NCOA4: variants seen among roughly 807,000 people sequenced by gnomAD.
NCOA4 encodes the protein nuclear receptor coactivator 4.
A neutral mutation model predicts 69.5 loss-of-function variants in NCOA4; 31 were observed. That is an observed-to-expected ratio of 0.45 (90% CI 0.34 to 0.60). The LOEUF is 0.60. Among genes scored for constraint, NCOA4 ranks in the 20% least tolerant of loss-of-function variants. NCOA4 has a pLI of 0.02. For missense variants in NCOA4, 600 were observed against 719.2 expected, an observed-to-expected ratio of 0.83 and a Z score of 1.90; for synonymous variants, 228 against 252.4, an observed-to-expected ratio of 0.90 and a Z score of 0.92.
At chr10:46,025,645 C>T (rs1840118529) in intron 1 of NCOA4, among the ~76,000 whole-genome samples, 1 of 152,218 alleles carries the variant, frequency 6.6e-6, no homozygotes, top group African/African-American at 2.4e-5. Flanking sequence ...CTCCTCTTCT[C>T]CCTACCTATC....
chr10:46,023,456 T>C (rs1225788155), intron 1 of NCOA4: 2 of 985,646 alleles, frequency 2.0e-6, no homozygotes, highest in African/African-American at 3.5e-5. Context: ...GCAACTCCAG[T>C]TCGCCCGGGC....
At chr10:46,012,291 G>T (rs1488275892) in intron 7 of NCOA4, among the ~76,000 whole-genome samples, 1 of 152,010 alleles carries the variant, frequency 6.6e-6, no homozygotes, top group African/African-American at 2.4e-5. Flanking sequence ...AGCCAAATTG[G>T]CAATATGTAT....
At chr10:46,012,120 T>A (rs1554921837) in intron 7 of NCOA4, among the ~76,000 whole-genome samples, 9 of 77,360 alleles carry the variant, frequency 1.2e-4, no homozygotes, top group South Asian at 4.2e-4. Flanking sequence ...AAGAAAATAC[T>A]CAACCTCCTT....
intron 1 of NCOA4, among the ~76,000 whole-genome samples, chr10:46,028,132 G>A (rs553565628): frequency 1.3e-5 from 2 of 152,214 alleles, no homozygotes; most frequent in South Asian, 2.1e-4. Flanking sequence ...GGGCCCTTGC[G>A]CTTTCCTCCA....
intron 1 of NCOA4, among the ~76,000 whole-genome samples, chr10:46,030,047 G>C (rs2132399608): frequency 6.6e-6 from 1 of 152,346 alleles, no homozygotes; most frequent in South Asian, 2.1e-4. Context: ...ATTTCCACCT[G>C]ACAAGCTAGA....
intron 1 of NCOA4, among the ~76,000 whole-genome samples, chr10:46,026,026 C>T (rs1173288983): frequency 6.6e-6 from 1 of 152,192 alleles, no homozygotes. Context: ...CTAAATTCAA[C>T]AGAGGCCTAA....
intron 1 of NCOA4, among the ~76,000 whole-genome samples, chr10:46,023,834 T>C (rs1840028333): frequency 6.6e-6 from 1 of 152,376 alleles, no homozygotes; most frequent in East Asian, 1.9e-4. Context: ...ATGGTACTTC[T>C]AGCTTTCCCT....
chr10:46,010,149 C>CA, intron 8 of NCOA4, 74 bp downstream of exon 8: 1 of 1,500,322 alleles, frequency 6.7e-7, no homozygotes, highest in Non-Finnish European at 8.8e-7. Context: ...GCCTGAGTGA[C>CA]AGAGACCCCA....
chr10:46,010,782 G>C lies in NCOA4; in HGVS notation c.1139C>G (p.Ser380Cys). The change falls in exon 8 of 10, where the codon TCC becomes TGC. Residue 380 changes from serine to cysteine, a missense_variant. Ser to Cys is a moderately radical substitution (Grantham distance 112). Coordinates refer to ENST00000581486, the MANE Select transcript of NCOA4 (RefSeq NM_001145263.2). The part of the protein sequence containing the change: ...NDHLEAKKPL[S>C]TPSMVTEDWL... ...ATCCTCTGTAACCATGCTGGGGGTG[G>C]ACAATGGTTTCTTGGCCTCCAAGTG... 6.2e-7 allele frequency: 1 copy of C among 1,613,928 alleles called. No homozygotes were observed. Among genetic ancestry groups the C allele is most frequent in the Non-Finnish European group, 8.5e-7 (1 of 1,179,868 alleles).
At chr10:46,024,380 T>A (rs1840049092) in intron 1 of NCOA4, among the ~76,000 whole-genome samples, 1 of 152,184 alleles carries the variant, frequency 6.6e-6, no homozygotes, top group Non-Finnish European at 1.5e-5. Flanking sequence ...CTGATCACAA[T>A]GTAAATACAA....
In NCOA4 at chr10:46,005,405, A is replaced by G; in HGVS notation, c.*1187T>C. 1 of 216,580 alleles carries G rather than the reference A, an allele frequency of 4.6e-6. No individual in the cohort carries two copies. The highest frequency in any genetic ancestry group is 6.9e-5 in the East Asian group (1 of 14,570). 13.4% of individuals were successfully genotyped at this position (216,580 alleles called of 1,614,324 possible). A position where few individuals can be genotyped will look rare whatever the true frequency, so the allele number is the denominator to read the frequency against. On this transcript the variant is annotated 3_prime_UTR_variant, in exon 10 of 10. Coordinates refer to ENST00000581486, the MANE Select transcript of NCOA4 (RefSeq NM_001145263.2). Reference sequence around the variant, plus strand: ...TGGCAATGACATTTTGGGACCATGAAGTTTCCCCAGAAGTATTTCCGGTAA... The same window carrying G: ...TGGCAATGACATTTTGGGACCATGAGGTTTCCCCAGAAGTATTTCCGGTAA...
chr10:46,014,746 CA>C (rs1839435781), intron 4 of NCOA4, 107 bp downstream of exon 4: 1 of 907,414 alleles, frequency 1.1e-6, no homozygotes, highest in African/African-American at 1.7e-5. Context: ...CTTATCCTAG[CA>C]ACACAGAAGT....
intron 1 of NCOA4, among the ~76,000 whole-genome samples, chr10:46,019,761 A>G (rs547836947): frequency 6.6e-6 from 1 of 152,384 alleles, no homozygotes; most frequent in South Asian, 2.1e-4. Context: ...GATGAGATTT[A>G]AAAGTTACAA....
chr10:46,014,625 C>T, intron 4 of NCOA4, 73 bp from the exon 5 acceptor site: 2 of 1,122,180 alleles, frequency 1.8e-6, no homozygotes, highest in Non-Finnish European at 2.6e-6. Context: ...AAACAAAAGC[C>T]AAATTGTGAG....
At chr10:46,016,161 G>A (rs782392123) in intron 2 of NCOA4, among the ~76,000 whole-genome samples, 6 of 152,174 alleles carry the variant, frequency 3.9e-5, no homozygotes, top group Non-Finnish European at 8.8e-5. Flanking sequence ...TGATGGGGAG[G>A]ATGCTCAAGT....
chr10:46,007,901 G>A (rs1384344053), intron 9 of NCOA4, among the ~76,000 whole-genome samples: 39 of 152,126 alleles, frequency 2.6e-4, no homozygotes, highest in African/African-American at 9.2e-4. Context: ...TGGTGGCTAA[G>A]TTGAAGCCAG....
chr10:46,013,746 AAT>A, intron 5 of NCOA4, 107 bp from the exon 6 acceptor site: 1 of 699,286 alleles, frequency 1.4e-6, no homozygotes, highest in Non-Finnish European at 2.4e-6. Flanking sequence ...TTTCATTAGA[AAT>A]ACTGTTCACA....
chr10:46,029,249 C>G (rs534050759), intron 1 of NCOA4, among the ~76,000 whole-genome samples: 1 of 152,272 alleles, frequency 6.6e-6, no homozygotes, highest in African/African-American at 2.4e-5. Flanking sequence ...CTTAGAGACC[C>G]AAGGACAAAG....
At position 46,016,708 on chromosome 10, in the gene NCOA4, AAAT is replaced by A. The variant is rs1839574448; in HGVS notation, c.-14-17_-14-15del. On this transcript the variant is annotated splice_polypyrimidine_tract_variant and intron_variant, in intron 1 of 9. Coordinates refer to ENST00000581486, the MANE Select transcript of NCOA4 (RefSeq NM_001145263.2). ...TCCTCACTGCTCCTTTAAAAGAAAAAAATATATATAAATAGCACCATAATTACA... is the reference window on the plus strand; with the variant it reads ...TCCTCACTGCTCCTTTAAAAGAAAAAATATATAAATAGCACCATAATTACA... 14 of 1,386,330 alleles carry A rather than the reference AAAT, an allele frequency of 1.0e-5. No homozygotes were observed. The highest frequency in any genetic ancestry group is 1.3e-5 in the Non-Finnish European group (14 of 1,055,986). 85.9% of individuals were successfully genotyped at this position (1,386,330 alleles called of 1,614,324 possible).
Sources: allele counts gnomAD v4.1 joint callset (sites outside exome capture counted in the v4.1 genomes callset), GRCh38; gene constraint gnomAD v4.1.1; transcripts MANE v1.5; gene names NCBI Gene and HGNC (gene_info 2026-07-23, HGNC 2026-07-21).